The following DLGAP2 variants were observed in gnomAD, a reference collection of about 807,000 sequenced individuals.
DLGAP2 encodes the protein disks large-associated protein 2.
Under a neutral mutation model 100.3 loss-of-function variants are expected in DLGAP2, and 26 were observed. That is an observed-to-expected ratio of 0.26 (90% confidence interval 0.19 to 0.36). The LOEUF is 0.36. Among genes scored for constraint, DLGAP2 ranks in the 10% least tolerant of loss-of-function variants. The pLI, the probability that DLGAP2 is intolerant of heterozygous loss-of-function variation, is 1.00. For synonymous variants in DLGAP2, 886 were observed against 630.1 expected (o/e 1.41, Z -6.08); for missense variants, 1,858 against 1,453.2 (o/e 1.28, Z -4.53).
At chr8:1,446,938 A>T (rs954092398) in intron 3 of DLGAP2, among the ~76,000 whole-genome samples, 2 of 152,228 alleles carry the variant, frequency 1.3e-5, no homozygotes, top group African/African-American at 4.8e-5. Context: ...TTGTACATTG[A>T]TTTTGTATCC....
At chr8:1,553,376 G>T (rs995252196) in intron 5 of DLGAP2, among the ~76,000 whole-genome samples, 1 of 152,066 alleles carries the variant, frequency 6.6e-6, no homozygotes, top group Non-Finnish European at 1.5e-5. Context: ...CGGACTCCCA[G>T]TTTTATTCGG....
chr8:1,344,162 T>TG (rs1563095127), intron 3 of DLGAP2, among the ~76,000 whole-genome samples: 951 of 32,606 alleles, frequency 0.029, 58 homozygotes, highest in Middle Eastern at 0.045. Context: ...GTCGTGGGTC[T>TG]TTGTACTCGG....
intron 3 of DLGAP2, among the ~76,000 whole-genome samples, chr8:1,453,850 C>G (rs1251813176): frequency 6.6e-6 from 1 of 152,242 alleles, no homozygotes; most frequent in East Asian, 1.9e-4. Context: ...AGACAGCTCA[C>G]TTTGATTTCA....
At chr8:1,257,087 G>T (rs576493346) in intron 2 of DLGAP2, among the ~76,000 whole-genome samples, 1 of 152,134 alleles carries the variant, frequency 6.6e-6, no homozygotes, top group African/African-American at 2.4e-5. Context: ...GGTGCAGTCA[G>T]ATGTGTCCAC....
chr8:948,052 C>T (rs565741611), intron 2 of DLGAP2, among the ~76,000 whole-genome samples: 12 of 133,656 alleles, frequency 9.0e-5, no homozygotes, highest in African/African-American at 2.9e-4. Context: ...CATGACCCCA[C>T]CGCGTGTGCG....
intron 1 of DLGAP2, among the ~76,000 whole-genome samples, chr8:866,087 T>TTCCTGG: frequency 6.6e-6 from 1 of 152,044 alleles, no homozygotes; most frequent in South Asian, 2.1e-4. Flanking sequence ...CCATGGTGCT[T>TTCCTGG]ATTGGTTTAT....
At chr8:1,146,630 TGTGTGTGCATGTGAGTGTGTGCATGCAC>T (rs1326986374) in intron 2 of DLGAP2, among the ~76,000 whole-genome samples, 2 of 151,942 alleles carry the variant, frequency 1.3e-5, no homozygotes, top group Non-Finnish European at 2.9e-5. Flanking sequence ...TGTGCATGCA[TGTGTGTGCATGTGAGTGTGTGCATGCAC>T]GTGTGTGTGC....
rs563145611 is a variant in DLGAP2 at position 1,051,414 on chromosome 8, C to G, written c.73+143448C>G. 5.3e-5 allele frequency among the ~76,000 whole-genome samples: 8 copies of G among 152,248 alleles called. No individual in the cohort carries two copies. The East Asian group carries it at 1.4e-3, about 26-fold the overall frequency. ...TCCAATACCGTCAGCTGTTTACCCT[C>G]AGATGCAAAATGATCCAATACCGTC... On this transcript the variant is annotated intron_variant, in intron 2 of 14. Transcript: ENST00000637795.
At chr8:1,412,036 G>A (rs1319873159) in intron 3 of DLGAP2, among the ~76,000 whole-genome samples, 2 of 152,226 alleles carry the variant, frequency 1.3e-5, no homozygotes, top group African/African-American at 4.8e-5. Context: ...TGCTAGGGAT[G>A]TCCTGCCATG....
rs137900333 is a variant in DLGAP2 at position 1,620,792 on chromosome 8, C to T, written c.1443-5948C>T. ...TCCTCCAGGCCCCACGCACAGGGAC[C>T]GTCCTGAGCTCCCAGCTCACAAGTC... On this transcript the variant is annotated intron_variant, in intron 6 of 14. Coordinates refer to ENST00000637795, the MANE Select transcript of DLGAP2 (RefSeq NM_001346810.2). Among the ~76,000 whole-genome samples the T allele has an allele frequency of 4.1e-3, 630 of 152,298 alleles. 2 individuals carry two copies. Among genetic ancestry groups the T allele is most frequent in the African/African-American group, 0.014 (602 of 41,572 alleles).
At chr8:1,669,858 C>A (rs2130841189) in intron 10 of DLGAP2, 74 bp downstream of exon 10, 1 of 778,506 alleles carries the variant, frequency 1.3e-6, no homozygotes, top group South Asian at 1.3e-5. Context: ...GATGTTCATG[C>A]GACCGCTCTT....
chr8:1,221,458 G>A (rs1798312994), intron 2 of DLGAP2, among the ~76,000 whole-genome samples: 1 of 152,312 alleles, frequency 6.6e-6, no homozygotes, highest in Admixed American at 6.5e-5. Context: ...GATGTCTGCT[G>A]AAAGGTCCAC....
intron 2 of DLGAP2, among the ~76,000 whole-genome samples, chr8:1,162,100 C>A (rs765917270): frequency 6.6e-6 from 1 of 152,192 alleles, no homozygotes; most frequent in Admixed American, 6.5e-5. Context: ...CATTAATGCC[C>A]GTAAGCCCGT....
intron 1 of DLGAP2, among the ~76,000 whole-genome samples, chr8:787,551 C>G (rs7460584): frequency 0.33 from 50,784 of 152,152 alleles, 9,657 homozygotes; most frequent in Non-Finnish European, 0.43. Context: ...GCCCATGCTG[C>G]TCTGTCTCCC....
intron 5 of DLGAP2, among the ~76,000 whole-genome samples, chr8:1,563,038 C>T (rs1296081485): frequency 2.8e-4 from 10 of 35,106 alleles, no homozygotes; most frequent in African/African-American, 2.7e-4. Flanking sequence ...TTGGGGTGTC[C>T]GCGCCTCGTT....
intron 3 of DLGAP2, among the ~76,000 whole-genome samples, chr8:1,430,734 C>G (rs547052582): frequency 1.3e-5 from 2 of 152,302 alleles, no homozygotes; most frequent in East Asian, 3.9e-4. Flanking sequence ...TTCTTCCACT[C>G]AGAAATATCT....
At chr8:1,096,361 G>A (rs917238044) in intron 2 of DLGAP2, among the ~76,000 whole-genome samples, 1 of 152,196 alleles carries the variant, frequency 6.6e-6, no homozygotes, top group African/African-American at 2.4e-5. Context: ...TGCATTCCGG[G>A]GCATGTTCAT....
At chr8:1,261,752 A>G (rs1477100036) in intron 3 of DLGAP2, among the ~76,000 whole-genome samples, 2 of 152,204 alleles carry the variant, frequency 1.3e-5, no homozygotes, top group South Asian at 2.1e-4. Flanking sequence ...TCATATGAAT[A>G]TTCATATATT....
chr8:829,473 T>A, intron 1 of DLGAP2, among the ~76,000 whole-genome samples: 1 of 152,216 alleles, frequency 6.6e-6, no homozygotes, highest in East Asian at 1.9e-4. Context: ...AGTAAAGAAT[T>A]CTAAGTTTTT....
Sources: gnomAD v4.1 joint callset for allele counts (sites outside exome capture counted in the v4.1 genomes callset) on GRCh38, gnomAD v4.1.1 for gene constraint, MANE v1.5 for transcripts, NCBI Gene and HGNC (gene_info 2026-07-23, HGNC 2026-07-21) for gene names.